ANKRD31: variants seen among roughly 807,000 people sequenced by gnomAD.
The protein encoded by ANKRD31 is ankyrin repeat domain-containing protein 31.
A neutral mutation model predicts 186.0 loss-of-function variants in ANKRD31; 147 were observed. The ratio of observed to expected loss-of-function variants is 0.79; its 90% CI spans 0.69 to 0.91. The LOEUF is 0.91. ANKRD31 is among the 40% of genes least tolerant of loss of function. The probability of loss-of-function intolerance (pLI) is 0.00; values close to 1 mark genes in which losing one functional copy is unlikely to be tolerated. For synonymous variants in ANKRD31, 673 were observed against 736.4 expected, an observed-to-expected ratio of 0.91 and a Z score of 1.39; for missense variants, 1,986 against 2,148.8, an observed-to-expected ratio of 0.92 and a Z score of 1.50.
chr5:75,170,116 G>A (rs1753210290), intron 10 of ANKRD31, among the ~76,000 whole-genome samples: 1 of 152,038 alleles, frequency 6.6e-6, no homozygotes, highest in African/African-American at 2.4e-5. Context: ...AATATGGCTT[G>A]TTTAAAGCAA....
chr5:75,122,276 T>TA (rs1197129434), intron 17 of ANKRD31, among the ~76,000 whole-genome samples: 2 of 117,388 alleles, frequency 1.7e-5, no homozygotes, highest in South Asian at 2.9e-4. Flanking sequence ...AACAGACCAA[T>TA]AAAAAAAATC....
intron 2 of ANKRD31, among the ~76,000 whole-genome samples, chr5:75,223,596 G>A (rs1455123128): frequency 6.6e-6 from 1 of 152,032 alleles, no homozygotes; most frequent in Non-Finnish European, 1.5e-5. Context: ...ACAATGGAAA[G>A]GAAAGGAATA....
chr5:75,206,436 A>G lies in ANKRD31; in HGVS notation c.378T>C (p.Leu126=). 6.7e-7 allele frequency: 1 copy of G among 1,485,234 alleles called. No individual in the cohort carries two copies. Among genetic ancestry groups the G allele is most frequent in the Non-Finnish European group, 8.9e-7 (1 of 1,125,586 alleles). The allele number at this position is 1,485,234 out of a possible 1,614,324, so 92.0% of individuals were successfully genotyped here. The part of the protein sequence containing the change: ...MFIGSFRQSG[L]SLNHQNIEGP... ...CTTCAATATTTTGGTGGTTCAATGA[A>G]AGTCCAGACTGGCGAAACGACCCAA... Residue 126 remains leucine, a synonymous_variant, in exon 5 of 26, where the codon CTT becomes CTC. Coordinates refer to ENST00000506364, the MANE Select transcript of ANKRD31 (RefSeq NM_001372053.1).
intron 2 of ANKRD31, among the ~76,000 whole-genome samples, chr5:75,224,129 T>TATA (rs1491506305): frequency 9.5e-6 from 1 of 105,752 alleles, no homozygotes; most frequent in African/African-American, 4.0e-5. Context: ...TCAGAAATAA[T>TATA]TATATATATA....
intron 17 of ANKRD31, among the ~76,000 whole-genome samples, chr5:75,136,406 T>C (rs1012403768): frequency 2.0e-5 from 3 of 151,926 alleles, no homozygotes; most frequent in Non-Finnish European, 4.4e-5. Flanking sequence ...AACAGACACA[T>C]GAAAAAAAGC....
chr5:75,121,934 G>A (rs1748825367), intron 17 of ANKRD31, among the ~76,000 whole-genome samples: 1 of 151,778 alleles, frequency 6.6e-6, no homozygotes, highest in African/African-American at 2.4e-5. Flanking sequence ...CCCAAAGCTA[G>A]CAGAAGAAAA....
At position 75,107,504 on chromosome 5, in the gene ANKRD31, T is replaced by G. The variant is rs1382595214; in HGVS notation, c.4340+17A>C. ...TAGAAACTCAAAAGCACTCTTTTTT[T>G]TTCTTTTTCTACTCACCTGTATTTT... is the stretch of plus-strand genomic sequence containing the variant. On this transcript the variant is annotated intron_variant, in intron 21 of 25. Coordinates refer to ENST00000506364, the MANE Select transcript of ANKRD31 (RefSeq NM_001372053.1). The G allele has an allele frequency of 6.8e-7, 1 of 1,462,818 alleles. No homozygotes were observed. Among genetic ancestry groups the G allele is most frequent in the East Asian group, 2.5e-5 (1 of 40,444 alleles). The allele number at this position is 1,462,818 out of a possible 1,614,324, so 90.6% of individuals were successfully genotyped here.
Position 75,122,233 on chromosome 5 carries a change from G to A in ANKRD31, c.3877-3936C>T, listed in dbSNP as rs76098120. Among the ~76,000 whole-genome samples the A allele has an allele frequency of 4.8e-3, 730 of 150,602 alleles. 12 individuals are homozygous for A. The highest frequency in any genetic ancestry group is 0.017 in the African/African-American group (697 of 41,090). ...TAAATTCCTGGAAACATAAAACCTC[G>A]AAAGACTGAACCTTGAAGAACTAGA... On this transcript the variant is annotated intron_variant, in intron 17 of 25. Coordinates refer to ENST00000506364, the MANE Select transcript of ANKRD31 (RefSeq NM_001372053.1).
At chr5:75,086,123 T>A (rs1237414314) in intron 23 of ANKRD31, among the ~76,000 whole-genome samples, 2 of 152,244 alleles carry the variant, frequency 1.3e-5, no homozygotes, top group Non-Finnish European at 2.9e-5. Context: ...ACACATCTCA[T>A]AAATCCATCA....
At chr5:75,172,632 A>G (rs1753430527) in intron 10 of ANKRD31, among the ~76,000 whole-genome samples, 1 of 152,190 alleles carries the variant, frequency 6.6e-6, no homozygotes, top group African/African-American at 2.4e-5. Flanking sequence ...CAACTAGAAA[A>G]TCTAGAAGAA....
At chr5:75,136,205 CT>C (rs1366957153) in intron 17 of ANKRD31, among the ~76,000 whole-genome samples, 2 of 152,176 alleles carry the variant, frequency 1.3e-5, no homozygotes, top group African/African-American at 4.8e-5. Flanking sequence ...GCAAAAGAAA[CT>C]ACCATCAGAG....
At chr5:75,187,304 T>C (rs867884892) in intron 10 of ANKRD31, among the ~76,000 whole-genome samples, 123 of 151,752 alleles carry the variant, frequency 8.1e-4, no homozygotes, top group African/African-American at 3.0e-3. Context: ...GAAGGAAAAG[T>C]AGAGAACAAG....
At chr5:75,234,917 C>A (rs1350970307) in intron 1 of ANKRD31, among the ~76,000 whole-genome samples, 1 of 151,404 alleles carries the variant, frequency 6.6e-6, no homozygotes, top group African/African-American at 2.4e-5. Flanking sequence ...AAACTATTTT[C>A]TACATACATC....
chr5:75,145,122 G>A (rs1751341594), intron 14 of ANKRD31, among the ~76,000 whole-genome samples: 1 of 152,068 alleles, frequency 6.6e-6, no homozygotes, highest in African/African-American at 2.4e-5. Context: ...AAATAGGAAT[G>A]CTTTTACACT....
At chr5:75,080,711 G>T in intron 24 of ANKRD31, 72 bp from the exon 25 acceptor site, 2 of 858,668 alleles carry the variant, frequency 2.3e-6, no homozygotes, top group Non-Finnish European at 3.4e-6. Context: ...TCAGGATGAT[G>T]GTCACCCTAC....
At chr5:75,143,812 A>C (rs912530992) in intron 15 of ANKRD31, among the ~76,000 whole-genome samples, 189 bp downstream of exon 15, 3 of 152,162 alleles carry the variant, frequency 2.0e-5, no homozygotes, top group African/African-American at 7.2e-5. Flanking sequence ...TATGACATGA[A>C]TATATTTAAA....
intron 10 of ANKRD31, among the ~76,000 whole-genome samples, chr5:75,184,665 T>C (rs533006691): frequency 2.6e-5 from 4 of 152,078 alleles, no homozygotes; most frequent in African/African-American, 9.6e-5. Flanking sequence ...ACCACAATAA[T>C]GTATCACCTC....
At chr5:75,113,849 A>C (rs1233758076) in intron 19 of ANKRD31, among the ~76,000 whole-genome samples, 1 of 152,210 alleles carries the variant, frequency 6.6e-6, no homozygotes, top group Non-Finnish European at 1.5e-5. Flanking sequence ...ACAGTGAATG[A>C]TTTATGGTTA....
intron 17 of ANKRD31, among the ~76,000 whole-genome samples, chr5:75,136,394 C>G (rs902474277): frequency 2.6e-5 from 4 of 152,082 alleles, no homozygotes; most frequent in Non-Finnish European, 4.4e-5. Context: ...ATTTATGCAG[C>G]CAACAGACAC....
Sources: allele counts gnomAD v4.1 joint callset (sites outside exome capture counted in the v4.1 genomes callset), GRCh38; gene constraint gnomAD v4.1.1; transcripts MANE v1.5; gene names NCBI Gene and HGNC (gene_info 2026-07-23, HGNC 2026-07-21).